The following TPCN1 variants were observed in gnomAD, a reference collection of about 807,000 sequenced individuals.
TPCN1 encodes two pore segment channel 1, also known as two pore channel protein 1.
Under a neutral mutation model 108.8 loss-of-function variants are expected in TPCN1, and 52 were observed. The ratio of observed to expected loss-of-function variants is 0.48; its 90% CI spans 0.38 to 0.60. The LOEUF (loss-of-function observed/expected upper bound fraction) is 0.60, where lower values mean the gene tolerates loss of function less well. Among genes scored for constraint, TPCN1 ranks in the 20% least tolerant of loss-of-function variants. TPCN1 has a pLI of 0.00. For missense variants in TPCN1, 806 were observed against 1,072.8 expected, an observed-to-expected ratio of 0.75 and a Z score of 3.47; for synonymous variants, 446 against 433.7, an observed-to-expected ratio of 1.03 and a Z score of -0.35.
chr12:113,255,301 A>G (rs1253034127), intron 2 of TPCN1, among the ~76,000 whole-genome samples: 1 of 152,238 alleles, frequency 6.6e-6, no homozygotes, highest in African/African-American at 2.4e-5. Flanking sequence ...TTGCAACAGC[A>G]TCGGAAATAT....
chr12:113,284,662 GT>G lies in TPCN1; in HGVS notation c.1399+26del. ...GGTGAGCCCCGCTCAGGGACTGGCC[GT>G]GTCCTGGCCGGCACACCTGGCTTAC... On this transcript the variant is annotated intron_variant, in intron 16 of 27. Coordinates refer to ENST00000335509, the MANE Select transcript of TPCN1 (RefSeq NM_017901.6). The surrounding 1 kb of genome is among the most constrained non-coding windows in gnomAD (Gnocchi z 4.1). 1 of 1,614,190 alleles carries G rather than the reference GT, an allele frequency of 6.2e-7. No individual in the cohort carries two copies. The highest frequency in any genetic ancestry group is 1.7e-5 in the Admixed American group (1 of 60,028).
rs1342239952 is a variant in TPCN1, at chr12:113,291,961, C to G, written c.2113+3C>G. On this transcript the variant is annotated splice_donor_region_variant and intron_variant, in intron 25 of 27. Transcript: ENST00000335509. Reference sequence around the variant, plus strand: ...CCGCAAGAACCAGGACTCGGAAGGTCTGTGCAGGGATGATGCCTTGGGCAT... The same window carrying G: ...CCGCAAGAACCAGGACTCGGAAGGTGTGTGCAGGGATGATGCCTTGGGCAT... 2 of 1,613,848 alleles carry G rather than the reference C, an allele frequency of 1.2e-6. No individual in the cohort carries two copies.
At chr12:113,294,701 C>T (rs1956372633) in intron 27 of TPCN1, among the ~76,000 whole-genome samples, 1 of 151,770 alleles carries the variant, frequency 6.6e-6, no homozygotes, top group African/African-American at 2.4e-5. Context: ...ATATTGGCAG[C>T]TAAGGAAAAT....
intron 4 of TPCN1, among the ~76,000 whole-genome samples, 171 bp from the exon 5 acceptor site, chr12:113,267,672 A>G (rs531621241): frequency 6.6e-6 from 1 of 152,162 alleles, no homozygotes; most frequent in Non-Finnish European, 1.5e-5. Flanking sequence ...GTTCTGGGGA[A>G]AGCTCCGTGA....
In TPCN1 at chr12:113,273,446, G is replaced by GA. The variant is rs1296663960; in HGVS notation, c.843-122dup. 4 of 1,234,926 alleles carry GA rather than the reference G, an allele frequency of 3.2e-6. No individual in the cohort carries two copies. In the African/African-American group the frequency reaches 5.9e-5, roughly 18 times the overall value. The allele number at this position is 1,234,926 out of a possible 1,614,324, so 76.5% of individuals were successfully genotyped here. A position where few individuals can be genotyped will look rare whatever the true frequency, so the allele number is the denominator to read the frequency against. Reference sequence around the variant, plus strand: ...CACTGAGCACGGAGCCCAGGGATGAGAGTAGGGGAACCAGGGTTGGAGGCT... The same window carrying GA: ...CACTGAGCACGGAGCCCAGGGATGAGAAGTAGGGGAACCAGGGTTGGAGGCT... On this transcript the variant is annotated intron_variant, in intron 9 of 27. Coordinates refer to ENST00000335509, the MANE Select transcript of TPCN1 (RefSeq NM_017901.6). This position sits in a 1 kb window ranked among gnomAD's most constrained non-coding sequence, Gnocchi z 4.0.
chr12:113,244,306 C>T, intron 2 of TPCN1: 5 of 985,510 alleles, frequency 5.1e-6, no homozygotes, highest in Non-Finnish European at 6.0e-6. Flanking sequence ...AGATTTTGGG[C>T]TGGAGGCCAG....
chr12:113,285,840 G>T, intron 17 of TPCN1, 49 bp from the exon 18 acceptor site: 3 of 1,515,644 alleles, frequency 2.0e-6, no homozygotes, highest in African/African-American at 1.4e-5. Flanking sequence ...GACCGAGCAT[G>T]GGGGAGGATG....
At chr12:113,293,375 G>A (rs372644103) in intron 27 of TPCN1, 26 bp downstream of exon 27, 51 of 1,607,666 alleles carry the variant, frequency 3.2e-5, no homozygotes, top group Middle Eastern at 3.5e-4. Context: ...ACCACGCTGC[G>A]AATCCTCCCC....
intron 2 of TPCN1, among the ~76,000 whole-genome samples, chr12:113,242,573 G>A (rs1954189212): frequency 6.6e-6 from 1 of 152,238 alleles, no homozygotes; most frequent in South Asian, 2.1e-4. Context: ...CGTGTCTGGT[G>A]TGTGGTAAGT....
At chr12:113,263,385 C>G (rs1476539717) in intron 3 of TPCN1, among the ~76,000 whole-genome samples, 2 of 152,158 alleles carry the variant, frequency 1.3e-5, no homozygotes, top group African/African-American at 4.8e-5. Context: ...CTCAGCCACC[C>G]AGGTAGCTGG....
intron 2 of TPCN1, among the ~76,000 whole-genome samples, chr12:113,230,283 CT>C (rs71086152): frequency 2.9e-3 from 317 of 108,942 alleles, no homozygotes; most frequent in African/African-American, 6.2e-3. Context: ...ATCCATTCAT[CT>C]TTTTTTTTTT....
chr12:113,272,182 G>A lies in TPCN1; in HGVS notation c.749-476G>A, dbSNP rs1266513246. Reference sequence around the variant, plus strand: ...CCCACTCAGGATTTCAGGGACTCAGGGAGTGGTCCATTCCTGGAGGGAGGA... The same window carrying A: ...CCCACTCAGGATTTCAGGGACTCAGAGAGTGGTCCATTCCTGGAGGGAGGA... On this transcript the variant is annotated intron_variant, in intron 7 of 27. Coordinates refer to ENST00000335509, the MANE Select transcript of TPCN1 (RefSeq NM_017901.6). The surrounding 1 kb of genome is among the most constrained non-coding windows in gnomAD (Gnocchi z 4.1). Among the ~76,000 whole-genome samples, 2 of 152,204 alleles carry A rather than the reference G, an allele frequency of 1.3e-5. No individual in the cohort carries two copies. The highest frequency in any genetic ancestry group is 4.8e-5 in the African/African-American group (2 of 41,456).
rs528331888 is a variant in TPCN1 at position 113,251,743 on chromosome 12, A to G, written c.113-8625A>G. On this transcript the variant is annotated intron_variant, in intron 2 of 27. Coordinates refer to ENST00000335509, the MANE Select transcript of TPCN1 (RefSeq NM_017901.6). ...GAGGGATGTAGCAGCAGCCAGCTCT[A>G]AAGATCCTCTCCCATTGTTCCAAGG... Among the ~76,000 whole-genome samples the G allele has an allele frequency of 2.8e-4, 43 of 152,366 alleles. 1 individual carries two copies. The South Asian group carries it at 8.5e-3, about 30-fold the overall frequency.
chr12:113,295,520 T>C (rs1193145478), intron 27 of TPCN1, among the ~76,000 whole-genome samples: 15 of 148,982 alleles, frequency 1.0e-4, no homozygotes, highest in Admixed American at 1.0e-3. Flanking sequence ...TCCCTGAAAA[T>C]GTCAGAGTTT....
intron 2 of TPCN1, among the ~76,000 whole-genome samples, chr12:113,256,406 A>G (rs1003145540): frequency 1.3e-5 from 2 of 152,072 alleles, no homozygotes; most frequent in African/African-American, 4.8e-5. Flanking sequence ...GACTAATTCT[A>G]AAGTTTATAT....
intron 2 of TPCN1, among the ~76,000 whole-genome samples, chr12:113,252,454 C>T (rs1413138814): frequency 6.6e-6 from 1 of 152,132 alleles, no homozygotes; most frequent in Non-Finnish European, 1.5e-5. Flanking sequence ...CGAGGAGACC[C>T]CTGTGTGAGA....
Position 113,266,451 on chromosome 12 carries a change from A to G in TPCN1, c.414+95A>G. On this transcript the variant is annotated intron_variant, in intron 4 of 27. Coordinates refer to ENST00000335509, the MANE Select transcript of TPCN1 (RefSeq NM_017901.6). This position sits in a 1 kb window ranked among gnomAD's most constrained non-coding sequence, Gnocchi z 4.2. ...AAAGGAACATTCTGGGAGGGCAAAC[A>G]CTGCAAACGGACTTAAAACAGAGAG... The G allele has an allele frequency of 6.7e-7, 1 of 1,493,180 alleles. No individual in the cohort carries two copies. The highest frequency in any genetic ancestry group is 9.1e-7 in the Non-Finnish European group (1 of 1,101,268). 92.5% of individuals were successfully genotyped at this position (1,493,180 alleles called of 1,614,324 possible).
chr12:113,252,456 T>C lies in TPCN1; in HGVS notation c.113-7912T>C, dbSNP rs182791300. 5.4e-3 allele frequency among the ~76,000 whole-genome samples: 822 copies of C among 152,226 alleles called. 7 individuals carry two copies. The highest frequency in any genetic ancestry group is 0.018 in the African/African-American group (763 of 41,538). ...GCTCCTGTCAATTCGAGGAGACCCC[T>C]GTGTGAGAAGAAGGGCAGGAAGGCT... On this transcript the variant is annotated intron_variant, in intron 2 of 27. Coordinates refer to ENST00000335509, the MANE Select transcript of TPCN1 (RefSeq NM_017901.6).
Position 113,287,012 on chromosome 12 carries a change from G to A in TPCN1, c.1552G>A (p.Ala518Thr), listed in dbSNP as rs570734136. 9 of 1,613,722 alleles carry A rather than the reference G, an allele frequency of 5.6e-6. No individual in the cohort carries two copies. The highest frequency in any genetic ancestry group is 2.2e-5 in the East Asian group (1 of 44,888). ...NLFDFSVTVF[A>T]FLGLLALALN... The stretch of plus-strand genomic sequence containing the variant: ...GTTTGACTTCTCCGTGACAGTGTTC[G>A]CCTTCCTGGGACTGCTGGCGCTGGC... The change falls in exon 19 of 28, where the codon GCC becomes ACC. Residue 518 changes from alanine (A) to threonine (T), a missense_variant. Transcript: ENST00000335509.
Sources: gnomAD v4.1 joint callset for allele counts (sites outside exome capture counted in the v4.1 genomes callset) on GRCh38, gnomAD v4.1.1 for gene constraint, Gnocchi (gnomAD v3.1) non-coding constraint, MANE v1.5 for transcripts, NCBI Gene and HGNC (gene_info 2026-07-23, HGNC 2026-07-21) for gene names.